Variants in SCAPER observed in about 807,000 individuals in gnomAD.
SCAPER encodes S phase cyclin A-associated protein in the endoplasmic reticulum.
A neutral mutation model predicts 182.2 loss-of-function variants in SCAPER; 98 were observed. The ratio of observed to expected loss-of-function variants is 0.54; its 90% CI spans 0.46 to 0.64. The LOEUF is 0.64. Among genes scored for constraint, SCAPER ranks in the 30% least tolerant of loss-of-function variants. The pLI, the probability that SCAPER is intolerant of heterozygous loss-of-function variation, is 0.00. For missense variants in SCAPER, 1,432 were observed against 1,690.0 expected, an observed-to-expected ratio of 0.85 and a Z score of 2.68; for synonymous variants, 605 against 564.6, an observed-to-expected ratio of 1.07 and a Z score of -1.01.
At chr15:76,681,693 G>A (rs1360119491) in intron 20 of SCAPER, among the ~76,000 whole-genome samples, 1 of 152,176 alleles carries the variant, frequency 6.6e-6, no homozygotes, top group African/African-American at 2.4e-5. Flanking sequence ...GAGGAGGCAA[G>A]GAGTGGCCTC....
intron 27 of SCAPER, among the ~76,000 whole-genome samples, chr15:76,390,836 G>T (rs2043642282): frequency 6.6e-6 from 1 of 152,138 alleles, no homozygotes; most frequent in Non-Finnish European, 1.5e-5. Context: ...GCTTCTGCTG[G>T]GAGGGTAACT....
intron 29 of SCAPER, among the ~76,000 whole-genome samples, chr15:76,370,915 T>C (rs997983806): frequency 6.6e-6 from 1 of 152,214 alleles, no homozygotes; most frequent in Non-Finnish European, 1.5e-5. Flanking sequence ...AGGGAAAGAA[T>C]GGCAGTTTCT....
chr15:76,442,966 G>T (rs2047719524), intron 25 of SCAPER, among the ~76,000 whole-genome samples: 1 of 152,116 alleles, frequency 6.6e-6, no homozygotes, highest in African/African-American at 2.4e-5. Context: ...AAAAACCAGT[G>T]AAAAAGGTGG....
chr15:76,519,780 T>C (rs1353634154), intron 23 of SCAPER, among the ~76,000 whole-genome samples: 2 of 152,212 alleles, frequency 1.3e-5, no homozygotes, highest in Non-Finnish European at 2.9e-5. Context: ...GTGATGATCA[T>C]CTTTGAATTC....
intron 21 of SCAPER, among the ~76,000 whole-genome samples, chr15:76,637,138 A>G (rs1160089695): frequency 1.3e-5 from 2 of 152,066 alleles, no homozygotes; most frequent in East Asian, 3.9e-4. Context: ...CTCCTGAATA[A>G]AACCCTGTAG....
chr15:76,374,360 C>T (rs971558451), intron 29 of SCAPER, among the ~76,000 whole-genome samples: 3 of 151,852 alleles, frequency 2.0e-5, no homozygotes, highest in Non-Finnish European at 4.4e-5. Context: ...TGCACTCTAG[C>T]CTGGGTGACA....
At chr15:76,524,385 T>C (rs2043031785) in intron 23 of SCAPER, among the ~76,000 whole-genome samples, 1 of 152,080 alleles carries the variant, frequency 6.6e-6, no homozygotes, top group South Asian at 2.1e-4. Flanking sequence ...TGAAGAAAAG[T>C]GCAGACAAAG....
At chr15:76,721,251 T>C (rs1218762129) in intron 17 of SCAPER, among the ~76,000 whole-genome samples, 1 of 152,222 alleles carries the variant, frequency 6.6e-6, no homozygotes, top group Non-Finnish European at 1.5e-5. Flanking sequence ...TGCGGCATTA[T>C]TTCTGAGGGC....
At chr15:76,663,730 A>G (rs2056366279) in intron 21 of SCAPER, among the ~76,000 whole-genome samples, 1 of 152,140 alleles carries the variant, frequency 6.6e-6, no homozygotes, top group Admixed American at 6.6e-5. Flanking sequence ...GCAAAGAGGA[A>G]CAAAGAACTT....
chr15:76,590,064 C>T (rs2048991189), intron 22 of SCAPER, among the ~76,000 whole-genome samples: 1 of 152,196 alleles, frequency 6.6e-6, no homozygotes, highest in Non-Finnish European at 1.5e-5. Context: ...CAATCCACTT[C>T]CTTCAGAGGG....
intron 23 of SCAPER, among the ~76,000 whole-genome samples, chr15:76,521,369 T>C (rs1413108414): frequency 7.3e-6 from 1 of 137,382 alleles, no homozygotes; most frequent in South Asian, 2.5e-4. Flanking sequence ...GTTGGTGCTT[T>C]AGAAGACCAA....
intron 17 of SCAPER, among the ~76,000 whole-genome samples, chr15:76,706,890 T>C (rs949737019): frequency 4.6e-5 from 7 of 151,960 alleles, no homozygotes; most frequent in Non-Finnish European, 8.8e-5. Context: ...CAAAGAAATG[T>C]ATAAATATAT....
At chr15:76,847,588 T>C (rs748709452) in intron 4 of SCAPER, among the ~76,000 whole-genome samples, 2 of 152,196 alleles carry the variant, frequency 1.3e-5, no homozygotes, top group South Asian at 2.1e-4. Context: ...ACCCCATAAA[T>C]ATATACACCC....
intron 21 of SCAPER, among the ~76,000 whole-genome samples, chr15:76,632,280 G>A (rs925512390): frequency 6.6e-6 from 1 of 151,698 alleles, no homozygotes; most frequent in African/African-American, 2.4e-5. Context: ...ACCTCCACCT[G>A]CTGGGTTCAA....
intron 21 of SCAPER, among the ~76,000 whole-genome samples, chr15:76,629,234 T>C (rs944217674): frequency 8.5e-5 from 13 of 152,246 alleles, no homozygotes; most frequent in Admixed American, 2.0e-4. Flanking sequence ...TCTCTTCCTA[T>C]TTGAATACAC....
chr15:76,709,192 C>T (rs1459144137), intron 17 of SCAPER, among the ~76,000 whole-genome samples: 3 of 152,210 alleles, frequency 2.0e-5, no homozygotes, highest in East Asian at 1.9e-4. Context: ...AATGCAGTAG[C>T]GCAATCTCGA....
At chr15:76,402,356 T>G (rs1228336789) in intron 27 of SCAPER, among the ~76,000 whole-genome samples, 2 of 152,150 alleles carry the variant, frequency 1.3e-5, no homozygotes, top group Non-Finnish European at 2.9e-5. Context: ...CCAGAGAACG[T>G]CCTGAGGCAG....
At chr15:76,691,484 A>G (rs1472511054) in intron 20 of SCAPER, among the ~76,000 whole-genome samples, 2 of 152,138 alleles carry the variant, frequency 1.3e-5, no homozygotes, top group Non-Finnish European at 2.9e-5. Flanking sequence ...CAAAGGCGAT[A>G]CACAAATTGA....
chr15:76,642,267 CTTTA>C (rs2054164649), intron 21 of SCAPER, among the ~76,000 whole-genome samples: 1 of 152,120 alleles, frequency 6.6e-6, no homozygotes, highest in African/African-American at 2.4e-5. Context: ...TTTTCCTACA[CTTTA>C]TTTTTTGACT....
Sources: gnomAD v4.1 joint callset for allele counts (sites outside exome capture counted in the v4.1 genomes callset) on GRCh38, gnomAD v4.1.1 for gene constraint, MANE v1.5 for transcripts, NCBI Gene and HGNC (gene_info 2026-07-23, HGNC 2026-07-21) for gene names.